ZMYND12: variants seen among roughly 807,000 people sequenced by gnomAD.
ZMYND12 encodes the protein zinc finger MYND domain-containing protein 12.
In ZMYND12, 32 loss-of-function variants were observed where a neutral mutation model predicts 41.7. That is an observed-to-expected ratio of 0.77 (90% CI 0.58 to 1.03). The LOEUF is 1.03. Ranked by LOEUF, ZMYND12 falls within the 50% of genes least tolerant of loss-of-function variation. ZMYND12 has a pLI of 0.00. For synonymous variants in ZMYND12, 148 were observed against 164.8 expected, an observed-to-expected ratio of 0.90 and a Z score of 0.78; for missense variants, 424 against 438.5, an observed-to-expected ratio of 0.97 and a Z score of 0.30.
At chr1:42,435,181 G>T in intron 6 of ZMYND12, 93 bp downstream of exon 6, 1 of 962,454 alleles carries the variant, frequency 1.0e-6, no homozygotes, top group Non-Finnish European at 1.7e-6. Context: ...TGTGCTTCAT[G>T]ACAGGGACAG....
intron 4 of ZMYND12, among the ~76,000 whole-genome samples, chr1:42,439,025 C>CA (rs1642936632): frequency 6.6e-6 from 1 of 152,190 alleles, no homozygotes; most frequent in South Asian, 2.1e-4. Context: ...CTTTCTTATA[C>CA]ATCTAGCTCT....
intron 4 of ZMYND12, among the ~76,000 whole-genome samples, chr1:42,439,146 A>C (rs1318433185): frequency 6.6e-6 from 1 of 152,242 alleles, no homozygotes; most frequent in East Asian, 1.9e-4. Context: ...GCAATGACCC[A>C]GTGAGACAGA....
chr1:42,448,368 C>A, intron 3 of ZMYND12, 99 bp downstream of exon 3: 1 of 1,337,104 alleles, frequency 7.5e-7, no homozygotes, highest in Non-Finnish European at 9.8e-7. Flanking sequence ...TACAATAGGT[C>A]TCTTGGTGCC....
intron 3 of ZMYND12, among the ~76,000 whole-genome samples, chr1:42,440,671 TTG>T (rs1300216335): frequency 1.0e-3 from 107 of 105,914 alleles, no homozygotes; most frequent in African/African-American, 3.7e-3. Context: ...CCTTTTTTTG[TTG>T]TTGTTGTTGT....
intron 7 of ZMYND12, among the ~76,000 whole-genome samples, chr1:42,431,689 G>A (rs113857993): frequency 0.011 from 1,715 of 152,214 alleles, 31 homozygotes; most frequent in African/African-American, 0.037. Context: ...GTGGAAAATT[G>A]GACATTGCAC....
chr1:42,432,343 T>C (rs1321725772), intron 7 of ZMYND12, among the ~76,000 whole-genome samples: 1 of 152,142 alleles, frequency 6.6e-6, no homozygotes, highest in Non-Finnish European at 1.5e-5. Flanking sequence ...AATACAGTCA[T>C]GAGACACTGT....
At chr1:42,444,283 C>T (rs1211441312) in intron 3 of ZMYND12, among the ~76,000 whole-genome samples, 2 of 152,148 alleles carry the variant, frequency 1.3e-5, no homozygotes, top group Non-Finnish European at 2.9e-5. Flanking sequence ...TTGGTGCCTA[C>T]GATCACCCAG....
chr1:42,431,194 T>C (rs1178120356), intron 7 of ZMYND12, among the ~76,000 whole-genome samples: 1 of 152,138 alleles, frequency 6.6e-6, no homozygotes, highest in Non-Finnish European at 1.5e-5. Context: ...ACAAGTAAAT[T>C]ACCACTCTGG....
At chr1:42,438,166 T>C (rs1642927887) in intron 4 of ZMYND12, among the ~76,000 whole-genome samples, 1 of 152,136 alleles carries the variant, frequency 6.6e-6, no homozygotes, top group East Asian at 1.9e-4. Context: ...GCTTAATTTG[T>C]TGGAGGATGT....
chr1:42,439,271 CT>C (rs10657885), intron 4 of ZMYND12, among the ~76,000 whole-genome samples: 116 of 144,344 alleles, frequency 8.0e-4, no homozygotes, highest in African/African-American at 8.4e-4. Flanking sequence ...CTCTCTCTCT[CT>C]TTTTTTTTTT....
intron 3 of ZMYND12, among the ~76,000 whole-genome samples, chr1:42,443,232 GCTA>G (rs1642988531): frequency 6.6e-6 from 1 of 152,204 alleles, no homozygotes; most frequent in Non-Finnish European, 1.5e-5. Flanking sequence ...AGAAGAATGG[GCTA>G]CTACTAGCCC....
At chr1:42,450,278 C>A (rs1643069735) in intron 1 of ZMYND12, among the ~76,000 whole-genome samples, 1 of 152,214 alleles carries the variant, frequency 6.6e-6, no homozygotes, top group Non-Finnish European at 1.5e-5. Context: ...GTTGTTTCTG[C>A]AGGCACACAT....
Position 42,439,864 on chromosome 1 carries a change from C to T in ZMYND12, c.586G>A (p.Ala196Thr). Residue 196 changes from alanine (A) to threonine (T), a missense_variant, in exon 4 of 8, where the codon GCC becomes ACC. Transcript: ENST00000372565. The part of the protein sequence containing the change: ...KNYEEARYHL[A>T]NDIYFASCAF... ...TAACTTAGCTTGTTTACATCATTGG[C>T]CAGATGATAACGGGCCTCTTCATAG... 1 of 1,609,734 alleles carries T rather than the reference C, an allele frequency of 6.2e-7. No homozygotes were observed. Among genetic ancestry groups the T allele is most frequent in the Non-Finnish European group, 8.5e-7 (1 of 1,178,548 alleles).
At chr1:42,438,458 C>T (rs1409047711) in intron 4 of ZMYND12, among the ~76,000 whole-genome samples, 1 of 152,128 alleles carries the variant, frequency 6.6e-6, no homozygotes, top group African/African-American at 2.4e-5. Context: ...AGAGCTAGCA[C>T]TATGGAAGAA....
intron 4 of ZMYND12, 27 bp from the exon 5 acceptor site, chr1:42,436,570 C>T (rs750579293): frequency 6.2e-7 from 1 of 1,609,704 alleles, no homozygotes; most frequent in Non-Finnish European, 8.5e-7. Context: ...AAGGAGAGTG[C>T]TTGAGTTCCT....
intron 3 of ZMYND12, among the ~76,000 whole-genome samples, chr1:42,446,142 G>A (rs1643021425): frequency 6.6e-6 from 1 of 152,160 alleles, no homozygotes; most frequent in South Asian, 2.1e-4. Context: ...GGCCCATGGA[G>A]CGGGAAGAGG....
chr1:42,449,481 C>T (rs1643060090), intron 2 of ZMYND12, among the ~76,000 whole-genome samples: 1 of 152,126 alleles, frequency 6.6e-6, no homozygotes, highest in African/African-American at 2.4e-5. Context: ...CCTAATCTGA[C>T]TTGTGTCTTT....
chr1:42,439,934 A>G lies in ZMYND12; in HGVS notation c.516T>C (p.Ser172=). Residue 172 remains serine, a synonymous_variant, in exon 4 of 8, where the codon TCT becomes TCC. Coordinates refer to ENST00000372565, the MANE Select transcript of ZMYND12 (RefSeq NM_032257.5). ...KSTDCSNATH[S]LLHRNLGLLY... ...GAAGTCCCAGATTCCGATGCAGTAA[A>G]GAGTGGGTGGCATTACTACAGTCAG... The G allele has an allele frequency of 6.2e-7, 1 of 1,614,184 alleles. No individual in the cohort carries two copies. The highest frequency in any genetic ancestry group is 2.2e-5 in the East Asian group (1 of 44,890).
Position 42,431,846 on chromosome 1 carries a change from C to T in ZMYND12, c.976-988G>A, listed in dbSNP as rs79963340. Among the ~76,000 whole-genome samples the T allele has an allele frequency of 2.0e-3, 310 of 152,234 alleles. 1 individual carries two copies. In the Middle Eastern group the frequency reaches 0.024, roughly 12 times the overall value. Reference sequence around the variant, plus strand: ...GTGCTCTGGGCTTCGCTGTCACACTCTATTATAACCTGTGAGCTCCTCCAG... The same window carrying T: ...GTGCTCTGGGCTTCGCTGTCACACTTTATTATAACCTGTGAGCTCCTCCAG... On this transcript the variant is annotated intron_variant, in intron 7 of 7. Coordinates refer to ENST00000372565, the MANE Select transcript of ZMYND12 (RefSeq NM_032257.5).
Sources: allele counts gnomAD v4.1 joint callset (sites outside exome capture counted in the v4.1 genomes callset), GRCh38; gene constraint gnomAD v4.1.1; transcripts MANE v1.5; gene names NCBI Gene and HGNC (gene_info 2026-07-23, HGNC 2026-07-21).